HPSE2: variants seen among roughly 807,000 people sequenced by gnomAD.
HPSE2 encodes inactive heparanase-2.
A neutral mutation model predicts 60.5 loss-of-function variants in HPSE2; 38 were observed. The observed-to-expected ratio is 0.63, with a 90% CI of 0.48 to 0.82. The LOEUF is 0.82. HPSE2 is among the 40% of genes least tolerant of loss of function. The pLI, the probability that HPSE2 is intolerant of heterozygous loss-of-function variation, is 0.00. For missense variants in HPSE2, 713 were observed against 740.4 expected (o/e 0.96, Z 0.43); for synonymous variants, 295 against 293.2 (o/e 1.01, Z -0.06).
chr10:98,829,772 G>A (rs1951639389), intron 3 of HPSE2, among the ~76,000 whole-genome samples: 1 of 152,100 alleles, frequency 6.6e-6, no homozygotes, highest in South Asian at 2.1e-4. Flanking sequence ...TTTTCAAAGT[G>A]ATTTTTCAAC....
chr10:98,748,893 A>G (rs1949689469), intron 3 of HPSE2, among the ~76,000 whole-genome samples: 2 of 152,148 alleles, frequency 1.3e-5, no homozygotes. Flanking sequence ...AAAAAAAACC[A>G]TTAGATTAAT....
intron 3 of HPSE2, among the ~76,000 whole-genome samples, chr10:99,037,427 T>C (rs1048154414): frequency 6.6e-6 from 1 of 152,070 alleles, no homozygotes; most frequent in Non-Finnish European, 1.5e-5. Context: ...AGTACTATCT[T>C]AGCAACTCTA....
At chr10:98,774,915 T>C (rs759050510) in intron 3 of HPSE2, among the ~76,000 whole-genome samples, 5 of 152,186 alleles carry the variant, frequency 3.3e-5, no homozygotes, top group Non-Finnish European at 5.9e-5. Context: ...TCTAAGTATG[T>C]TGGAAATGGA....
chr10:98,827,701 T>G (rs1483345683), intron 3 of HPSE2, among the ~76,000 whole-genome samples: 1 of 152,218 alleles, frequency 6.6e-6, no homozygotes. Flanking sequence ...TTACATATTT[T>G]GTCATGTGGT....
At chr10:99,243,469 C>A in the HPSE2 span, among the ~76,000 whole-genome samples, 1 of 152,074 alleles carries the variant, frequency 6.6e-6, no homozygotes, top group Non-Finnish European at 1.5e-5. Flanking sequence ...ATACCAAGAA[C>A]TTTTAATATC....
chr10:98,460,156 C>T (rs1940225848), intron 11 of HPSE2, among the ~76,000 whole-genome samples: 2 of 152,048 alleles, frequency 1.3e-5, no homozygotes, highest in Non-Finnish European at 2.9e-5. Context: ...GACTTTTCCA[C>T]CTAAAGAGTT....
At chr10:98,980,104 A>G (rs1449536887) in intron 3 of HPSE2, among the ~76,000 whole-genome samples, 1 of 152,116 alleles carries the variant, frequency 6.6e-6, no homozygotes, top group African/African-American at 2.4e-5. Flanking sequence ...AGGACATATA[A>G]AGTCAGAGAG....
At chr10:99,106,461 T>C (rs1270329099) in intron 3 of HPSE2, among the ~76,000 whole-genome samples, 1 of 152,040 alleles carries the variant, frequency 6.6e-6, no homozygotes, top group African/African-American at 2.4e-5. Flanking sequence ...TCTATTAATA[T>C]GATATATACA....
chr10:99,314,539 T>G, the HPSE2 span, among the ~76,000 whole-genome samples: 3 of 152,166 alleles, frequency 2.0e-5, no homozygotes, highest in African/African-American at 7.2e-5. Context: ...GACTACAATA[T>G]AGTGTAAACA....
intron 2 of HPSE2, among the ~76,000 whole-genome samples, chr10:99,165,075 C>T (rs1303963710): frequency 1.1e-5 from 1 of 95,068 alleles, no homozygotes; most frequent in Non-Finnish European, 2.0e-5. Context: ...GAGCAAGACT[C>T]GGTCTCAAAA....
At chr10:99,284,305 G>C in the HPSE2 span, among the ~76,000 whole-genome samples, 2 of 152,060 alleles carry the variant, frequency 1.3e-5, no homozygotes, top group African/African-American at 2.4e-5. Context: ...AGTTGATAGA[G>C]TAAAAGCATT....
At chr10:98,576,976 C>A (rs1162560592) in intron 9 of HPSE2, among the ~76,000 whole-genome samples, 1 of 151,860 alleles carries the variant, frequency 6.6e-6, no homozygotes, top group Non-Finnish European at 1.5e-5. Context: ...ATTTCTGGTA[C>A]GAACGATGAG....
intron 9 of HPSE2, among the ~76,000 whole-genome samples, chr10:98,560,766 A>G (rs1361886046): frequency 1.3e-5 from 2 of 152,192 alleles, no homozygotes; most frequent in African/African-American, 4.8e-5. Context: ...GAGCTGAAAA[A>G]TTGCTATTGC....
At chr10:98,670,968 G>A (rs1947491684) in intron 6 of HPSE2, among the ~76,000 whole-genome samples, 1 of 152,170 alleles carries the variant, frequency 6.6e-6, no homozygotes, top group South Asian at 2.1e-4. Flanking sequence ...TGTCTGAGAG[G>A]TTTTGTCTGC....
At chr10:98,719,862 A>G (rs1172582267) in intron 5 of HPSE2, among the ~76,000 whole-genome samples, 6 of 151,884 alleles carry the variant, frequency 4.0e-5, no homozygotes, top group African/African-American at 1.5e-4. Context: ...TTAGCCAGGC[A>G]TGGTGGCACA....
intron 5 of HPSE2, among the ~76,000 whole-genome samples, chr10:98,712,777 G>T (rs566548506): frequency 6.6e-5 from 10 of 152,108 alleles, no homozygotes; most frequent in Admixed American, 5.9e-4. Context: ...TCTAACACAG[G>T]TTCAGGTTAG....
the HPSE2 span, among the ~76,000 whole-genome samples, chr10:99,263,915 T>C: frequency 1.3e-5 from 2 of 152,236 alleles, no homozygotes; most frequent in South Asian, 4.1e-4. Context: ...AGATGATCTT[T>C]GCTGACAGGA....
At chr10:98,716,790 A>G (rs1290502899) in intron 5 of HPSE2, among the ~76,000 whole-genome samples, 4 of 152,142 alleles carry the variant, frequency 2.6e-5, no homozygotes, top group Admixed American at 6.6e-5. Flanking sequence ...GTCAATGAGC[A>G]GTAATATTTT....
chr10:98,981,315 C>T (rs1183597020), intron 3 of HPSE2, among the ~76,000 whole-genome samples: 1 of 152,050 alleles, frequency 6.6e-6, no homozygotes, highest in Non-Finnish European at 1.5e-5. Context: ...AGTTCCTTTC[C>T]AATTTTTCCC....
Sources: allele counts gnomAD v4.1 joint callset (sites outside exome capture counted in the v4.1 genomes callset), GRCh38; gene constraint gnomAD v4.1.1; transcripts MANE v1.5; gene names NCBI Gene and HGNC (gene_info 2026-07-23, HGNC 2026-07-21).